The following GMDS variants were observed in gnomAD, a reference collection of about 807,000 sequenced individuals.
GMDS encodes the protein GDP-mannose 4,6 dehydratase.
Under a neutral mutation model 49.9 loss-of-function variants are expected in GMDS, and 20 were observed. The observed-to-expected ratio is 0.40, with a 90% CI of 0.28 to 0.58. The LOEUF is 0.58. Ranked by LOEUF, GMDS falls within the 20% of genes least tolerant of loss-of-function variation. The pLI, the probability that GMDS is intolerant of heterozygous loss-of-function variation, is 0.42. For synonymous variants in GMDS, 177 were observed against 178.6 expected (o/e 0.99, Z 0.07); for missense variants, 362 against 481.4 (o/e 0.75, Z 2.32).
intron 6 of GMDS, among the ~76,000 whole-genome samples, chr6:1,932,777 A>T (rs1050243749): frequency 6.6e-6 from 1 of 152,056 alleles, no homozygotes; most frequent in African/African-American, 2.4e-5. Flanking sequence ...TGACCTCGTG[A>T]TCCACCTGCC....
intron 6 of GMDS, among the ~76,000 whole-genome samples, chr6:1,933,195 G>A (rs1471032753): frequency 2.0e-5 from 3 of 152,198 alleles, no homozygotes; most frequent in African/African-American, 7.2e-5. Context: ...CATCCATACT[G>A]TAGCTTGAAT....
At chr6:2,136,196 C>T (rs1775989973) in intron 1 of GMDS, among the ~76,000 whole-genome samples, 1 of 152,138 alleles carries the variant, frequency 6.6e-6, no homozygotes, top group African/African-American at 2.4e-5. Flanking sequence ...CAGCACATGA[C>T]TATATTTTAC....
intron 1 of GMDS, among the ~76,000 whole-genome samples, chr6:2,208,711 T>C (rs1026781229): frequency 1.3e-5 from 2 of 152,186 alleles, no homozygotes; most frequent in East Asian, 3.8e-4. Flanking sequence ...AAAAGCACTT[T>C]AGAAAATAGC....
At chr6:2,149,260 T>C (rs1041520845) in intron 1 of GMDS, among the ~76,000 whole-genome samples, 8 of 152,238 alleles carry the variant, frequency 5.3e-5, no homozygotes, top group African/African-American at 1.4e-4. Context: ...GTGGTTTGAT[T>C]TGAAGAGAGC....
At chr6:1,714,174 C>T (rs10428774) in intron 9 of GMDS, among the ~76,000 whole-genome samples, 3,696 of 152,170 alleles carry the variant, frequency 0.024, 159 homozygotes, top group African/African-American at 0.085. Context: ...CCCACCACCA[C>T]GCCCAGCTAA....
intron 7 of GMDS, among the ~76,000 whole-genome samples, chr6:1,781,466 C>T (rs780724565): frequency 2.0e-5 from 3 of 152,322 alleles, no homozygotes; most frequent in Middle Eastern, 3.4e-3. Flanking sequence ...CTGACTCTGC[C>T]GAGCCTTCTG....
intron 7 of GMDS, among the ~76,000 whole-genome samples, chr6:1,878,171 C>T (rs554085569): frequency 2.0e-5 from 3 of 152,022 alleles, no homozygotes; most frequent in Admixed American, 2.0e-4. Context: ...AAAAATTAGC[C>T]AGGCGTGGTG....
At chr6:1,735,851 T>G (rs1289792020) in intron 8 of GMDS, among the ~76,000 whole-genome samples, 1 of 152,270 alleles carries the variant, frequency 6.6e-6, no homozygotes, top group Non-Finnish European at 1.5e-5. Context: ...TAATGTGTTC[T>G]TATTAATTGA....
chr6:2,171,854 G>T (rs1778022630), intron 1 of GMDS, among the ~76,000 whole-genome samples: 1 of 152,130 alleles, frequency 6.6e-6, no homozygotes, highest in Non-Finnish European at 1.5e-5. Context: ...AATGTAAGGA[G>T]ATGAACAAAA....
At chr6:1,966,546 C>T (rs993727138) in intron 4 of GMDS, among the ~76,000 whole-genome samples, 3 of 152,172 alleles carry the variant, frequency 2.0e-5, no homozygotes, top group Non-Finnish European at 4.4e-5. Flanking sequence ...GTCCCCTGCA[C>T]CCCGACTCTA....
chr6:1,955,973 T>C (rs929812595), intron 6 of GMDS, among the ~76,000 whole-genome samples: 3 of 152,210 alleles, frequency 2.0e-5, no homozygotes, highest in African/African-American at 4.8e-5. Context: ...CACTTGGTCA[T>C]AGTGCTTGAT....
intron 1 of GMDS, among the ~76,000 whole-genome samples, chr6:2,197,994 G>T (rs1260138667): frequency 2.0e-5 from 3 of 152,174 alleles, no homozygotes; most frequent in Non-Finnish European, 4.4e-5. Flanking sequence ...TACCATCGGG[G>T]AGACACTGTA....
intron 4 of GMDS, among the ~76,000 whole-genome samples, chr6:2,100,871 A>G (rs1385418551): frequency 6.6e-6 from 1 of 152,090 alleles, no homozygotes; most frequent in African/African-American, 2.4e-5. Flanking sequence ...TTACATATAG[A>G]AATGTAATTC....
chr6:1,951,407 G>A (rs1375247645), intron 6 of GMDS, among the ~76,000 whole-genome samples: 2 of 152,138 alleles, frequency 1.3e-5, no homozygotes, highest in Non-Finnish European at 2.9e-5. Flanking sequence ...TTCTTATGAA[G>A]CCCATATTTA....
intron 2 of GMDS, among the ~76,000 whole-genome samples, chr6:2,124,311 T>C (rs752104375): frequency 1.3e-5 from 2 of 152,200 alleles, no homozygotes; most frequent in Non-Finnish European, 2.9e-5. Context: ...TTGGTTTTTA[T>C]TGTTCTCTGT....
intron 4 of GMDS, among the ~76,000 whole-genome samples, chr6:2,083,321 A>G (rs941083856): frequency 5.3e-5 from 8 of 152,182 alleles, no homozygotes; most frequent in African/African-American, 1.9e-4. Context: ...AACAACAGCA[A>G]ATCTTCCATC....
chr6:2,035,613 T>A (rs1174088179), intron 4 of GMDS, among the ~76,000 whole-genome samples: 25 of 152,182 alleles, frequency 1.6e-4, no homozygotes, highest in Non-Finnish European at 2.9e-4. Flanking sequence ...TTATTACCTA[T>A]GGTCAAGTTA....
rs1285013159 is a variant in GMDS at position 2,052,116 on chromosome 6, C to CAA, written c.345+63653_345+63654dup. Among the ~76,000 whole-genome samples, 152 of 43,518 alleles carry CAA rather than the reference C, an allele frequency of 3.5e-3. 9 individuals are homozygous for CAA. The highest frequency in any genetic ancestry group is 0.016 in the South Asian group (18 of 1,136). The allele number at this position is 43,518 out of a possible 152,430, so 28.5% of individuals were successfully genotyped here. A position where few individuals can be genotyped will look rare whatever the true frequency, so the allele number is the denominator to read the frequency against. On this transcript the variant is annotated intron_variant, in intron 4 of 10. Transcript: ENST00000380815. ...TGGGTGACAGAGCAAGACTCTGTCT[C>CAA]AAAAAAAAAAAAAAGAAAAAAAAAA...
rs1345488577 is a variant in GMDS at position 1,640,916 on chromosome 6, G to GC, written c.988-16377dup. 6.6e-6 allele frequency among the ~76,000 whole-genome samples: 1 copy of GC among 152,212 alleles called. No homozygotes were observed. Among genetic ancestry groups the GC allele is most frequent in the East Asian group, 1.9e-4 (1 of 5,192 alleles). ...GCTTGAGGTGGAGGGAGCAGGCTGG[G>GC]CTAGGGCCCTGAAGGGCCGGCTGGT... On this transcript the variant is annotated intron_variant, in intron 9 of 10. Transcript: ENST00000380815. The surrounding 1 kb of genome is among the most constrained non-coding windows in gnomAD (Gnocchi z 4.0).
Sources: allele counts gnomAD v4.1 joint callset (sites outside exome capture counted in the v4.1 genomes callset), GRCh38; gene constraint gnomAD v4.1.1; non-coding constraint Gnocchi (gnomAD v3.1); transcripts MANE v1.5; gene names NCBI Gene and HGNC (gene_info 2026-07-23, HGNC 2026-07-21).